LASP1: variants seen among roughly 807,000 people sequenced by gnomAD.
The protein encoded by LASP1 is LIM and SH3 domain protein 1.
A neutral mutation model predicts 38.6 loss-of-function variants in LASP1; 10 were observed. The ratio of observed to expected loss-of-function variants is 0.26; its 90% CI spans 0.16 to 0.44. The LOEUF (loss-of-function observed/expected upper bound fraction) is 0.44. Ranked by LOEUF, LASP1 falls within the 20% of genes least tolerant of loss-of-function variation. The probability of loss-of-function intolerance (pLI) is 1.00; values close to 1 mark genes in which losing one functional copy is unlikely to be tolerated. For missense variants in LASP1, 243 were observed against 375.7 expected (o/e 0.65, Z 2.92); for synonymous variants, 132 against 140.8 (o/e 0.94, Z 0.44).
rs185423590 is a variant in LASP1 at position 38,920,747 on chromosome 17, G to T, written c.*1969G>T. 1 of 233,592 alleles carries T rather than the reference G, an allele frequency of 4.3e-6. No homozygotes were observed. Among genetic ancestry groups the T allele is most frequent in the Non-Finnish European group, 8.5e-6 (1 of 117,990 alleles). The allele number at this position is 233,592 out of a possible 1,614,324, so 14.5% of individuals were successfully genotyped here. ...CCTTTTCCTTTCTGGCCCCAGCCTA[G>T]GTGGAGGCAAGTGGAATATCTTATA... is the stretch of plus-strand genomic sequence containing the variant. On this transcript the variant is annotated 3_prime_UTR_variant, in exon 7 of 7. Coordinates refer to ENST00000318008, the MANE Select transcript of LASP1 (RefSeq NM_006148.4).
intron 4 of LASP1, 154 bp downstream of exon 4, chr17:38,898,673 C>T (rs1245648037): frequency 1.5e-6 from 1 of 685,820 alleles, no homozygotes; most frequent in South Asian, 1.5e-5. Flanking sequence ...GCTTGGGGTT[C>T]CCAGATGCCT....
At chr17:38,898,625 T>A in intron 4 of LASP1, 106 bp downstream of exon 4, 1 of 848,568 alleles carries the variant, frequency 1.2e-6, no homozygotes, top group Non-Finnish European at 1.9e-6. Context: ...GGCCAGTGCC[T>A]CCACTACCCC....
At chr17:38,899,688 G>A (rs1168186447) in intron 4 of LASP1, among the ~76,000 whole-genome samples, 1 of 151,926 alleles carries the variant, frequency 6.6e-6, no homozygotes, top group Non-Finnish European at 1.5e-5. Context: ...TTTATGTAGA[G>A]GGAAAACAGA....
chr17:38,906,356 C>T (rs1191141318), intron 4 of LASP1, among the ~76,000 whole-genome samples: 3 of 151,672 alleles, frequency 2.0e-5, no homozygotes, highest in Non-Finnish European at 2.9e-5. Context: ...GGCAAACCCC[C>T]GCGTCCACTA....
At chr17:38,893,721 C>G (rs926611777) in intron 3 of LASP1, among the ~76,000 whole-genome samples, 2 of 152,202 alleles carry the variant, frequency 1.3e-5, no homozygotes, top group Non-Finnish European at 2.9e-5. Flanking sequence ...ACCCAGTTGC[C>G]TCAAGCTGGG....
At chr17:38,894,470 C>A (rs1266017004) in intron 3 of LASP1, among the ~76,000 whole-genome samples, 2 of 152,192 alleles carry the variant, frequency 1.3e-5, no homozygotes, top group African/African-American at 4.8e-5. Flanking sequence ...GTTGCTTAAC[C>A]TCTGTGCACA....
intron 6 of LASP1, chr17:38,916,700 A>G (rs560778292): frequency 2.0e-5 from 3 of 151,856 alleles, no homozygotes; most frequent in East Asian, 3.9e-4. Context: ...TGTCTCTACT[A>G]AAAATATAAA....
intron 3 of LASP1, chr17:38,896,963 C>T (rs1914507187): frequency 1.0e-6 from 1 of 985,322 alleles, no homozygotes; most frequent in African/African-American, 1.7e-5. Context: ...CTACATTTCT[C>T]TGCCTCTGAG....
rs537066637 is a variant in LASP1, at chr17:38,891,793, T to G, written c.249+1289T>G. On this transcript the variant is annotated intron_variant, in intron 3 of 6. Coordinates refer to ENST00000318008, the MANE Select transcript of LASP1 (RefSeq NM_006148.4). ...TAAACATGATAGTTCCTTATGCTGT[T>G]GAGAAGTTTTGTAGTTTAGGGCTGG... Among the ~76,000 whole-genome samples, 4 of 152,302 alleles carry G rather than the reference T, an allele frequency of 2.6e-5. No individual in the cohort carries two copies. The East Asian group carries it at 7.7e-4, about 29-fold the overall frequency.
At chr17:38,901,685 A>G (rs946793760) in intron 4 of LASP1, among the ~76,000 whole-genome samples, 1 of 152,182 alleles carries the variant, frequency 6.6e-6, no homozygotes, top group Non-Finnish European at 1.5e-5. Flanking sequence ...CCACCACCTA[A>G]AAGTCTGAAA....
chr17:38,895,549 C>T (rs1220348888), intron 3 of LASP1, among the ~76,000 whole-genome samples: 2 of 152,126 alleles, frequency 1.3e-5, no homozygotes, highest in African/African-American at 4.8e-5. Context: ...CTCCTGACCT[C>T]AGGTGATCCA....
intron 4 of LASP1, among the ~76,000 whole-genome samples, chr17:38,908,867 G>C (rs922189400): frequency 3.9e-5 from 6 of 152,250 alleles, no homozygotes; most frequent in Admixed American, 2.6e-4. Flanking sequence ...CCAGTGCCAA[G>C]GGGGAGAGGA....
At chr17:38,885,744 T>C (rs1469786149) in intron 2 of LASP1, among the ~76,000 whole-genome samples, 1 of 152,154 alleles carries the variant, frequency 6.6e-6, no homozygotes, top group African/African-American at 2.4e-5. Context: ...TTAGCACCCA[T>C]GTTGGCATGC....
chr17:38,870,313 C>G, intron 1 of LASP1, 55 bp downstream of exon 1: 1 of 1,588,602 alleles, frequency 6.3e-7, no homozygotes, highest in Non-Finnish European at 8.6e-7. Flanking sequence ...GCTCCGAATC[C>G]AGGGAGGAGA....
At chr17:38,901,316 C>T (rs1196694762) in intron 4 of LASP1, among the ~76,000 whole-genome samples, 1 of 152,254 alleles carries the variant, frequency 6.6e-6, no homozygotes, top group Non-Finnish European at 1.5e-5. Flanking sequence ...CCATCCGCAT[C>T]TCAGGAGATA....
intron 1 of LASP1, among the ~76,000 whole-genome samples, chr17:38,874,555 T>C (rs935326369): frequency 6.6e-6 from 1 of 151,934 alleles, no homozygotes; most frequent in Non-Finnish European, 1.5e-5. Flanking sequence ...GGTAGGGGAG[T>C]CGCCTGAAGC....
At chr17:38,903,031 A>G (rs1914687379) in intron 4 of LASP1, among the ~76,000 whole-genome samples, 1 of 152,154 alleles carries the variant, frequency 6.6e-6, no homozygotes, top group Admixed American at 6.5e-5. Context: ...AGGTCAGGCC[A>G]TCTTACAAAA....
At chr17:38,873,100 C>T (rs190795824) in intron 1 of LASP1, among the ~76,000 whole-genome samples, 1 of 152,282 alleles carries the variant, frequency 6.6e-6, no homozygotes, top group East Asian at 1.9e-4. Context: ...AACCTCGCCA[C>T]GTCCCTCTTT....
intron 2 of LASP1, among the ~76,000 whole-genome samples, chr17:38,880,129 G>A (rs1042971840): frequency 1.3e-5 from 2 of 152,194 alleles, no homozygotes; most frequent in Admixed American, 1.3e-4. Flanking sequence ...GTTCAGAGAA[G>A]CCAGGGCAGT....
Sources: allele counts gnomAD v4.1 joint callset (sites outside exome capture counted in the v4.1 genomes callset), GRCh38; gene constraint gnomAD v4.1.1; transcripts MANE v1.5; gene names NCBI Gene and HGNC (gene_info 2026-07-23, HGNC 2026-07-21).